NCOA3: variants seen among roughly 807,000 people sequenced by gnomAD.
NCOA3 encodes CBP-interacting protein.
In NCOA3, 51 loss-of-function variants were observed where a neutral mutation model predicts 158.8. The observed-to-expected ratio is 0.32, with a 90% CI of 0.26 to 0.41. The LOEUF (loss-of-function observed/expected upper bound fraction) is 0.41, where lower values mean the gene tolerates loss of function less well. NCOA3 is among the 10% of genes least tolerant of loss of function. The pLI is 1.00. For missense variants in NCOA3, 1,510 were observed against 1,746.6 expected (o/e 0.86, Z 2.41); for synonymous variants, 537 against 592.4 (o/e 0.91, Z 1.36).
chr20:47,615,732 A>C (rs1177186078), intron 2 of NCOA3, among the ~76,000 whole-genome samples: 2 of 152,224 alleles, frequency 1.3e-5, no homozygotes, highest in African/African-American at 4.8e-5. Context: ...GAAACATTCT[A>C]TCCAGTTGTT....
intron 1 of NCOA3, among the ~76,000 whole-genome samples, chr20:47,531,587 C>T (rs2084548345): frequency 6.6e-6 from 1 of 152,182 alleles, no homozygotes; most frequent in East Asian, 1.9e-4. Flanking sequence ...AATGTTGTGA[C>T]ATAACAGTGT....
At chr20:47,642,138 T>C (rs146974668) in intron 16 of NCOA3, 75 bp from the exon 17 acceptor site, 16 of 1,084,494 alleles carry the variant, frequency 1.5e-5, no homozygotes, top group Middle Eastern at 2.1e-4. Flanking sequence ...AAAAATACTA[T>C]GCATGGTTGC....
chr20:47,576,324 G>T (rs1407573603), intron 1 of NCOA3, among the ~76,000 whole-genome samples: 2 of 152,086 alleles, frequency 1.3e-5, no homozygotes, highest in Non-Finnish European at 2.9e-5. Flanking sequence ...AGCATTTACT[G>T]GATACACAAC....
chr20:47,606,241 C>G (rs1014288025), intron 2 of NCOA3, among the ~76,000 whole-genome samples: 1 of 152,178 alleles, frequency 6.6e-6, no homozygotes, highest in East Asian at 1.9e-4. Context: ...TGGCTCTCAA[C>G]GTGTGGTGCG....
chr20:47,511,646 G>A (rs1205854059), intron 1 of NCOA3, among the ~76,000 whole-genome samples: 1 of 147,800 alleles, frequency 6.8e-6, no homozygotes, highest in African/African-American at 2.5e-5. Context: ...CACCTCCCCG[G>A]TTCAAGTGAA....
At chr20:47,622,156 G>C in intron 2 of NCOA3, 73 bp from the exon 3 acceptor site, 1 of 735,330 alleles carries the variant, frequency 1.4e-6, no homozygotes. Context: ...CAGTCATTCA[G>C]TCATATAACA....
chr20:47,585,944 T>C (rs2085529329), intron 2 of NCOA3, among the ~76,000 whole-genome samples: 1 of 147,304 alleles, frequency 6.8e-6, no homozygotes, highest in Non-Finnish European at 1.5e-5. Context: ...TTTTTTTTTT[T>C]GAGACAGAGT....
intron 2 of NCOA3, among the ~76,000 whole-genome samples, chr20:47,616,119 C>T (rs1218059289): frequency 6.7e-6 from 1 of 149,230 alleles, no homozygotes; most frequent in East Asian, 2.0e-4. Context: ...GATTGCACCA[C>T]TGCACTCCAC....
rs1166777115 is a variant in NCOA3, at chr20:47,505,003, GTTTTTTTTTT to G, written c.-99+3001_-99+3010del. On this transcript the variant is annotated intron_variant, in intron 1 of 22. Transcript: ENST00000371998. ...TAAAATAAATGGCTTTGGGTTTTTG[GTTTTTTTTTT>G]TTTTTTTTTTTTTTTTGCGGGCAGG... Among the ~76,000 whole-genome samples the G allele has an allele frequency of 1.3e-3, 37 of 28,544 alleles. 3 individuals carry two copies. The highest frequency in any genetic ancestry group is 5.0e-3 in the Admixed American group (7 of 1,404). 18.7% of individuals were successfully genotyped at this position (28,544 alleles called of 152,430 possible). A position where few individuals can be genotyped will look rare whatever the true frequency, so the allele number is the denominator to read the frequency against.
Position 47,635,450 on chromosome 20 carries a change from G to T in NCOA3, c.1241G>T (p.Ser414Ile), listed in dbSNP as rs1484126729. ...AACCAAGGCTTACAGATGCCGAGCA[G>T]CAGGGCCTATGGCTTGGCAGACCCT... The part of the protein sequence containing the change: ...SPNQGLQMPS[S>I]RAYGLADPST... Residue 414 changes from serine to isoleucine, a missense_variant, in exon 11 of 23, where the codon AGC becomes ATC. Physicochemically the swap from Ser to Ile is moderately radical, Grantham distance 142. Coordinates refer to ENST00000371998, the MANE Select transcript of NCOA3 (RefSeq NM_181659.3). The T allele has an allele frequency of 6.2e-7, 1 of 1,614,092 alleles. No homozygotes were observed. The highest frequency in any genetic ancestry group is 8.5e-7 in the Non-Finnish European group (1 of 1,180,052).
At chr20:47,505,467 CT>C (rs1432327474) in intron 1 of NCOA3, among the ~76,000 whole-genome samples, 1 of 152,000 alleles carries the variant, frequency 6.6e-6, no homozygotes, top group African/African-American at 2.4e-5. Context: ...CCGCCAGTGA[CT>C]TTTGGTCTAC....
At chr20:47,512,231 A>C (rs1051792857) in intron 1 of NCOA3, among the ~76,000 whole-genome samples, 1 of 152,178 alleles carries the variant, frequency 6.6e-6, no homozygotes, top group Non-Finnish European at 1.5e-5. Context: ...TCTAGAAAAA[A>C]TAACTAATTT....
In NCOA3 at chr20:47,642,389, G is replaced by C; in HGVS notation, c.3252+5G>C. 6.3e-7 allele frequency: 1 copy of C among 1,587,942 alleles called. No homozygotes were observed. The highest frequency in any genetic ancestry group is 1.2e-5 in the South Asian group (1 of 86,418). ...ATTCCTGAACTTGTCAATCAGGTAGGTTGCATTAACATGGAAGTAGGAGAG... is the reference window on the plus strand; with the variant it reads ...ATTCCTGAACTTGTCAATCAGGTAGCTTGCATTAACATGGAAGTAGGAGAG... On this transcript the variant is annotated splice_donor_5th_base_variant and intron_variant, in intron 17 of 22. Coordinates refer to ENST00000371998, the MANE Select transcript of NCOA3 (RefSeq NM_181659.3).
intron 20 of NCOA3, among the ~76,000 whole-genome samples, chr20:47,651,754 TC>T (rs1457969080): frequency 6.6e-6 from 1 of 151,992 alleles, no homozygotes; most frequent in Non-Finnish European, 1.5e-5. Context: ...AACCTCTGCC[TC>T]CCGGGTTCAA....
At chr20:47,606,642 T>G (rs559511664) in intron 2 of NCOA3, among the ~76,000 whole-genome samples, 1 of 152,222 alleles carries the variant, frequency 6.6e-6, no homozygotes, top group South Asian at 2.1e-4. Flanking sequence ...CACAAAGACT[T>G]CTGCCTGCCA....
intron 1 of NCOA3, among the ~76,000 whole-genome samples, chr20:47,565,050 C>T (rs1003493186): frequency 3.9e-5 from 6 of 151,998 alleles, no homozygotes; most frequent in Non-Finnish European, 7.4e-5. Context: ...GGCACGATCT[C>T]GACTCACTGC....
chr20:47,586,389 A>G (rs896274498), intron 2 of NCOA3, among the ~76,000 whole-genome samples: 23 of 151,476 alleles, frequency 1.5e-4, no homozygotes, highest in African/African-American at 5.3e-4. Flanking sequence ...AAACACACAC[A>G]CAATTTTTTT....
intron 1 of NCOA3, among the ~76,000 whole-genome samples, chr20:47,564,155 C>T (rs1374488111): frequency 5.0e-5 from 6 of 120,206 alleles, no homozygotes; most frequent in South Asian, 6.1e-4. Flanking sequence ...TCTCAAAAAA[C>T]GAAAAAAAAA....
chr20:47,589,426 C>T (rs886433998), intron 2 of NCOA3, among the ~76,000 whole-genome samples: 5 of 151,250 alleles, frequency 3.3e-5, no homozygotes, highest in Non-Finnish European at 5.9e-5. Flanking sequence ...CTCAGGCTGA[C>T]GTGCAGTGGC....
Sources: gnomAD v4.1 joint callset for allele counts (sites outside exome capture counted in the v4.1 genomes callset) on GRCh38, gnomAD v4.1.1 for gene constraint, MANE v1.5 for transcripts, NCBI Gene and HGNC (gene_info 2026-07-23, HGNC 2026-07-21) for gene names.